PSMA3: variants seen among roughly 807,000 people sequenced by gnomAD.
PSMA3 encodes the protein proteasome subunit alpha type-3.
PSMA3 carries 8 observed loss-of-function variants against 40.0 expected under a neutral mutation model. The ratio of observed to expected loss-of-function variants is 0.20; its 90% CI spans 0.12 to 0.36. The LOEUF (loss-of-function observed/expected upper bound fraction) is 0.36, where lower values mean the gene tolerates loss of function less well. PSMA3 is among the 10% of genes least tolerant of loss of function. The pLI is 1.00. For synonymous variants in PSMA3, 110 were observed against 100.0 expected, an observed-to-expected ratio of 1.10 and a Z score of -0.59; for missense variants, 219 against 310.6, an observed-to-expected ratio of 0.70 and a Z score of 2.22.
At chr14:58,258,968 G>A (rs1327167648) in intron 5 of PSMA3, among the ~76,000 whole-genome samples, 1 of 152,144 alleles carries the variant, frequency 6.6e-6, no homozygotes, top group Non-Finnish European at 1.5e-5. Context: ...GACAGTTACT[G>A]TCACCTGAGC....
intron 5 of PSMA3, 146 bp downstream of exon 5, chr14:58,258,144 G>A: frequency 1.6e-6 from 1 of 624,518 alleles, no homozygotes; most frequent in Non-Finnish European, 2.7e-6. Context: ...AGTGTACATA[G>A]AAACTACTTG....
At chr14:58,263,662 T>C (rs768174231) in intron 6 of PSMA3, 43 bp from the exon 7 acceptor site, 1 of 1,437,396 alleles carries the variant, frequency 7.0e-7, no homozygotes, top group South Asian at 1.2e-5. Flanking sequence ...TTACATATGA[T>C]AGTGTACTAA....
chr14:58,264,759 A>G (rs1361650919), intron 7 of PSMA3: 1 of 152,228 alleles, frequency 6.6e-6, no homozygotes, highest in Non-Finnish European at 1.5e-5. Context: ...AAAGGATCTT[A>G]GAGGTCATTT....
chr14:58,258,393 A>C (rs1207678694), intron 5 of PSMA3: 1 of 153,344 alleles, frequency 6.5e-6, no homozygotes, highest in East Asian at 1.8e-4. Context: ...AGCTGTGGCC[A>C]TACCACTGTA....
Position 58,252,260 on chromosome 14 carries a change from A to T in PSMA3, c.228+18A>T. The T allele has an allele frequency of 6.2e-7, 1 of 1,600,432 alleles. No individual in the cohort carries two copies. The highest frequency in any genetic ancestry group is 1.1e-5 in the South Asian group (1 of 88,252). ...TTGGAATGGTAAGGTCATGTTTAAAATGTTCCTTTTTGTCTTGTCCAATTT... is the reference window on the plus strand; with the variant it reads ...TTGGAATGGTAAGGTCATGTTTAAATTGTTCCTTTTTGTCTTGTCCAATTT... On this transcript the variant is annotated intron_variant, in intron 3 of 10. Coordinates refer to ENST00000216455, the MANE Select transcript of PSMA3 (RefSeq NM_002788.4).
chr14:58,250,903 T>G (rs567195361), intron 2 of PSMA3, among the ~76,000 whole-genome samples: 1 of 152,188 alleles, frequency 6.6e-6, no homozygotes, highest in South Asian at 2.1e-4. Flanking sequence ...GAAGTGGACA[T>G]GAAGGAAATT....
At chr14:58,257,661 A>G in intron 3 of PSMA3, 84 bp from the exon 4 acceptor site, 1 of 1,244,180 alleles carries the variant, frequency 8.0e-7, no homozygotes, top group Non-Finnish European at 1.1e-6. Context: ...TTGTTAAAAA[A>G]ATGTTTAATA....
At chr14:58,258,695 T>C (rs1466468647) in intron 5 of PSMA3, among the ~76,000 whole-genome samples, 1 of 152,084 alleles carries the variant, frequency 6.6e-6, no homozygotes, top group Non-Finnish European at 1.5e-5. Flanking sequence ...AGACCTGGAA[T>C]AGGTATAAAT....
chr14:58,260,248 G>A (rs191441516), intron 5 of PSMA3, among the ~76,000 whole-genome samples: 3 of 152,234 alleles, frequency 2.0e-5, no homozygotes, highest in Admixed American at 6.5e-5. Context: ...CCTGTATGTT[G>A]TCATCTCTAG....
chr14:58,268,998 G>T (rs182827971), intron 8 of PSMA3: 138 of 152,002 alleles, frequency 9.1e-4, no homozygotes, highest in Non-Finnish European at 1.7e-3. Flanking sequence ...GCAGTGGCAC[G>T]ATCTTGGCTC....
intron 2 of PSMA3, among the ~76,000 whole-genome samples, chr14:58,250,901 C>T (rs1889997269): frequency 6.6e-6 from 1 of 151,960 alleles, no homozygotes; most frequent in South Asian, 2.1e-4. Context: ...AAGAAGTGGA[C>T]ATGAAGGAAA....
chr14:58,256,132 G>A (rs1416914440), intron 3 of PSMA3, among the ~76,000 whole-genome samples: 2 of 152,096 alleles, frequency 1.3e-5, no homozygotes, highest in African/African-American at 4.8e-5. Flanking sequence ...GGGATCACAG[G>A]CATGAGCCAC....
At chr14:58,264,164 T>A (rs1408295939) in intron 7 of PSMA3, among the ~76,000 whole-genome samples, 2 of 152,230 alleles carry the variant, frequency 1.3e-5, no homozygotes, top group African/African-American at 4.8e-5. Context: ...AACACAACTT[T>A]TGATATGATT....
At chr14:58,262,113 A>G (rs1890299229) in intron 6 of PSMA3, among the ~76,000 whole-genome samples, 1 of 151,964 alleles carries the variant, frequency 6.6e-6, no homozygotes, top group South Asian at 2.1e-4. Context: ...TATTTTTAGT[A>G]CAGATGGGGT....
intron 2 of PSMA3, among the ~76,000 whole-genome samples, chr14:58,248,583 AAGTC>A (rs1594823047): frequency 6.6e-6 from 1 of 152,206 alleles, no homozygotes; most frequent in African/African-American, 2.4e-5. Context: ...CGATTTTAAA[AAGTC>A]AGATTTATGC....
chr14:58,270,278 T>G, intron 8 of PSMA3, 140 bp from the exon 9 acceptor site: 1 of 1,207,236 alleles, frequency 8.3e-7, no homozygotes, highest in South Asian at 1.7e-5. Flanking sequence ...TAATGTTAAA[T>G]ACTATGTAGA....
At chr14:58,261,194 C>CT (rs1890271826) in intron 6 of PSMA3, among the ~76,000 whole-genome samples, 174 bp downstream of exon 6, 1 of 102,014 alleles carries the variant, frequency 9.8e-6, no homozygotes, top group African/African-American at 3.8e-5. Flanking sequence ...TTTTTTTTTC[C>CT]TTTTTGGGGG....
chr14:58,267,311 AAT>A, intron 7 of PSMA3, 161 bp from the exon 8 acceptor site: 1 of 1,170,184 alleles, frequency 8.5e-7, no homozygotes, highest in Non-Finnish European at 1.1e-6. Context: ...CTGGAGTATA[AAT>A]TTCAAAACAT....
chr14:58,244,863 G>A lies in PSMA3; in HGVS notation c.-58G>A. The A allele has an allele frequency of 1.9e-6, 3 of 1,613,496 alleles. No individual in the cohort carries two copies. The highest frequency in any genetic ancestry group is 8.5e-7 in the Non-Finnish European group (1 of 1,179,414). ...CTGTTACTAGTTTGCGGCATCCTGT[G>A]GTATAGGGGAAGCGCTCCGGGCCTG... On this transcript the variant is annotated 5_prime_UTR_variant, in exon 1 of 11. Transcript: ENST00000216455.
Sources: gnomAD v4.1 joint callset for allele counts (sites outside exome capture counted in the v4.1 genomes callset) on GRCh38, gnomAD v4.1.1 for gene constraint, MANE v1.5 for transcripts, NCBI Gene and HGNC (gene_info 2026-07-23, HGNC 2026-07-21) for gene names.